Variants in KNTC1 observed in about 807,000 individuals in gnomAD.
KNTC1 encodes the protein kinetochore associated 1.
KNTC1 carries 253 observed loss-of-function variants against 314.4 expected under a neutral mutation model. That is an observed-to-expected ratio of 0.80 (90% CI 0.73 to 0.89). The LOEUF (loss-of-function observed/expected upper bound fraction) is 0.89, where lower values mean the gene tolerates loss of function less well. KNTC1 is among the 40% of genes least tolerant of loss of function. The pLI, the probability that KNTC1 is intolerant of heterozygous loss-of-function variation, is 0.00. For missense variants in KNTC1, 2,475 were observed against 2,572.9 expected, an observed-to-expected ratio of 0.96 and a Z score of 0.82; for synonymous variants, 901 against 901.4, an observed-to-expected ratio of 1.00 and a Z score of 0.01.
intron 37 of KNTC1, among the ~76,000 whole-genome samples, chr12:122,586,297 G>T (rs535696900): frequency 6.6e-6 from 1 of 152,234 alleles, no homozygotes; most frequent in East Asian, 1.9e-4. Flanking sequence ...GGCCAGGCTG[G>T]TCTCAATCTC....
chr12:122,564,752 G>A (rs931652730), intron 20 of KNTC1, among the ~76,000 whole-genome samples: 4 of 151,880 alleles, frequency 2.6e-5, no homozygotes, highest in African/African-American at 9.7e-5. Context: ...GATTACAGGC[G>A]TGAGGTACCA....
At chr12:122,539,828 C>G (rs1397527952) in intron 5 of KNTC1, 74 bp downstream of exon 5, 1 of 1,002,188 alleles carries the variant, frequency 1.0e-6, no homozygotes, top group Non-Finnish European at 1.5e-6. Flanking sequence ...GTCGCCCAGG[C>G]TGGAGTGCAG....
intron 39 of KNTC1, 91 bp from the exon 40 acceptor site, chr12:122,588,621 G>T: frequency 1.4e-5 from 13 of 933,568 alleles, no homozygotes; most frequent in Admixed American, 3.7e-5. Context: ...ATATAATGAT[G>T]AATTTTCACC....
At position 122,558,568 on chromosome 12, in the gene KNTC1, TATTAA is replaced by T. The variant is rs558974846; in HGVS notation, c.1488+886_1488+890del. ...TCCGTCTCAAAAGAAAAAGAAAAAA[TATTAA>T]ATTAAAAGATAAAACTCTTAAATGG... is the stretch of plus-strand genomic sequence containing the variant. On this transcript the variant is annotated intron_variant, in intron 18 of 63. Coordinates refer to ENST00000333479, the MANE Select transcript of KNTC1 (RefSeq NM_014708.6). Among the ~76,000 whole-genome samples the T allele has an allele frequency of 3.1e-3, 475 of 151,084 alleles. 5 individuals carry two copies. Among genetic ancestry groups the T allele is most frequent in the African/African-American group, 9.8e-3 (405 of 41,122 alleles).
intron 31 of KNTC1, among the ~76,000 whole-genome samples, chr12:122,579,001 C>G (rs914339371): frequency 7.2e-6 from 1 of 137,990 alleles, no homozygotes; most frequent in Non-Finnish European, 1.5e-5. Flanking sequence ...TCAGCTCAAA[C>G]TGTCTAATAC....
At chr12:122,613,324 A>T in intron 54 of KNTC1, 94 bp downstream of exon 54, 1 of 842,658 alleles carries the variant, frequency 1.2e-6, no homozygotes, top group Non-Finnish European at 1.9e-6. Context: ...AGAGCATAGT[A>T]GAGTAGCTGT....
chr12:122,581,825 C>T (rs1397498022), intron 33 of KNTC1, among the ~76,000 whole-genome samples: 6 of 152,126 alleles, frequency 3.9e-5, no homozygotes, highest in Non-Finnish European at 8.8e-5. Flanking sequence ...ATACTTATAA[C>T]AAAATGTTCC....
intron 18 of KNTC1, 37 bp downstream of exon 18, chr12:122,557,726 AG>A: frequency 6.8e-7 from 1 of 1,466,328 alleles, no homozygotes; most frequent in Non-Finnish European, 9.4e-7. Context: ...TTTTTGGGGC[AG>A]GGGAGAATTT....
intron 22 of KNTC1, 72 bp from the exon 23 acceptor site, chr12:122,570,804 G>T: frequency 1.0e-6 from 1 of 983,220 alleles, no homozygotes; most frequent in South Asian, 1.5e-5. Context: ...GGAAAAAAAA[G>T]AAATCGTGGA....
intron 50 of KNTC1, 81 bp downstream of exon 50, chr12:122,605,168 A>G: frequency 2.4e-6 from 3 of 1,271,208 alleles, no homozygotes; most frequent in Admixed American, 2.1e-5. Flanking sequence ...GTACGTGTAC[A>G]TATATATTAC....
At chr12:122,590,783 G>A (rs201218083) in intron 41 of KNTC1, 48 bp downstream of exon 41, 16 of 1,551,778 alleles carry the variant, frequency 1.0e-5, no homozygotes, top group African/African-American at 2.7e-5. Flanking sequence ...ATTCAAGATT[G>A]GGGGGGAGAA....
intron 43 of KNTC1, 77 bp from the exon 44 acceptor site, chr12:122,597,654 C>G: frequency 8.5e-7 from 1 of 1,181,958 alleles, no homozygotes; most frequent in Middle Eastern, 2.6e-4. Context: ...AAGCATGTAC[C>G]CAAGTGTTTT....
Position 122,527,251 on chromosome 12 carries a change from T to C in KNTC1, c.-174T>C. The C allele has an allele frequency of 3.6e-6, 1 of 274,222 alleles. No individual in the cohort carries two copies. Among genetic ancestry groups the C allele is most frequent in the Non-Finnish European group, 7.0e-6 (1 of 142,818 alleles). 17.0% of individuals were successfully genotyped at this position (274,222 alleles called of 1,614,324 possible). A position where few individuals can be genotyped will look rare whatever the true frequency, so the allele number is the denominator to read the frequency against. ...GTTGGGTTTAGTGTTCTCCCGCCAA[T>C]TTAAGCCTGTGGCATGGAACCTAAA... is the stretch of plus-strand genomic sequence containing the variant. On this transcript the variant is annotated 5_prime_UTR_variant, in exon 1 of 64. Transcript: ENST00000333479.
chr12:122,531,676 C>G (rs1961338464), intron 2 of KNTC1, among the ~76,000 whole-genome samples: 1 of 151,934 alleles, frequency 6.6e-6, no homozygotes, highest in Admixed American at 6.6e-5. Context: ...TTTTTGAATC[C>G]TTCGAGACAT....
At chr12:122,620,361 C>A in intron 59 of KNTC1, 118 bp from the exon 60 acceptor site, 7 of 837,922 alleles carry the variant, frequency 8.4e-6, no homozygotes, top group Non-Finnish European at 1.3e-5. Flanking sequence ...TGCACCAGCA[C>A]TTTAGTGTTT....
chr12:122,606,461 G>A (rs766072295), intron 51 of KNTC1, among the ~76,000 whole-genome samples: 2 of 151,704 alleles, frequency 1.3e-5, no homozygotes, highest in South Asian at 2.1e-4. Context: ...CAGGTGATCC[G>A]CCCGCCTTGG....
Position 122,605,391 on chromosome 12 carries a change from A to C in KNTC1, c.5472A>C (p.Leu1824=), listed in dbSNP as rs765516544. The stretch of plus-strand genomic sequence containing the variant: ...GGGACATGTTGTTGGAAAAATGGCT[A>C]TGCCCTTCAACAAAACCTGGTGAAG... ...KVWDMLLEKW[L]CPSTKPGEKP... The change falls in exon 51 of 64, where the codon CTA becomes CTC. Residue 1824 remains leucine, a synonymous_variant. Coordinates refer to ENST00000333479, the MANE Select transcript of KNTC1 (RefSeq NM_014708.6). 1.3e-6 allele frequency: 2 copies of C among 1,596,562 alleles called. No individual in the cohort carries two copies. The highest frequency in any genetic ancestry group is 1.7e-5 in the Admixed American group (1 of 58,356).
intron 33 of KNTC1, among the ~76,000 whole-genome samples, chr12:122,581,504 T>C (rs1322640571): frequency 7.0e-6 from 1 of 143,230 alleles, no homozygotes; most frequent in Non-Finnish European, 1.5e-5. Flanking sequence ...TGGCCTTTTT[T>C]CTTTTTTTGA....
chr12:122,532,752 A>C lies in KNTC1; in HGVS notation c.130-1912A>C, dbSNP rs545970215. 9.8e-5 allele frequency among the ~76,000 whole-genome samples: 15 copies of C among 152,314 alleles called. No homozygotes were observed. The South Asian group carries it at 2.5e-3, about 25-fold the overall frequency. On this transcript the variant is annotated intron_variant, in intron 2 of 63. Transcript: ENST00000333479. Reference sequence around the variant, plus strand: ...TGGCATCTTATTCATTCCTTTTAGGATCTTACCTTAAAGTTAGGCACACAG... The same window carrying C: ...TGGCATCTTATTCATTCCTTTTAGGCTCTTACCTTAAAGTTAGGCACACAG...
Sources: allele counts gnomAD v4.1 joint callset (sites outside exome capture counted in the v4.1 genomes callset), GRCh38; gene constraint gnomAD v4.1.1; transcripts MANE v1.5; gene names NCBI Gene and HGNC (gene_info 2026-07-23, HGNC 2026-07-21).